CACNA2D3: variants seen among roughly 807,000 people sequenced by gnomAD.
CACNA2D3 encodes the protein voltage-dependent calcium channel subunit alpha-2/delta-3.
In CACNA2D3, 60 loss-of-function variants were observed where a neutral mutation model predicts 160.6. That is an observed-to-expected ratio of 0.37 (90% CI 0.30 to 0.46). The LOEUF is 0.46. CACNA2D3 is among the 20% of genes least tolerant of loss of function. CACNA2D3 has a pLI of 1.00. For synonymous variants in CACNA2D3, 558 were observed against 492.9 expected (o/e 1.13, Z -1.75); for missense variants, 1,205 against 1,365.0 (o/e 0.88, Z 1.85).
intron 27 of CACNA2D3, among the ~76,000 whole-genome samples, chr3:54,947,701 A>C (rs1180212799): frequency 6.6e-6 from 1 of 152,166 alleles, no homozygotes; most frequent in Non-Finnish European, 1.5e-5. Flanking sequence ...GACTCTTATC[A>C]GTCAGGACTC....
intron 9 of CACNA2D3, among the ~76,000 whole-genome samples, chr3:54,599,607 G>T (rs2106770564): frequency 1.3e-5 from 2 of 152,044 alleles, no homozygotes; most frequent in East Asian, 3.9e-4. Flanking sequence ...AATTAATAAG[G>T]TGGGGGGGAG....
intron 5 of CACNA2D3, among the ~76,000 whole-genome samples, chr3:54,534,926 C>A (rs955212914): frequency 5.9e-5 from 9 of 152,108 alleles, no homozygotes; most frequent in Non-Finnish European, 1.3e-4. Flanking sequence ...GCCTCTGTAT[C>A]AAAAAATAAA....
At chr3:54,437,706 A>T (rs549717814) in intron 4 of CACNA2D3, among the ~76,000 whole-genome samples, 76 of 152,348 alleles carry the variant, frequency 5.0e-4, no homozygotes, top group South Asian at 1.7e-3. Context: ...GACCACAAGG[A>T]AATTCACTTT....
intron 35 of CACNA2D3, among the ~76,000 whole-genome samples, chr3:55,065,226 G>C (rs1704607967): frequency 6.6e-6 from 1 of 152,160 alleles, no homozygotes; most frequent in Non-Finnish European, 1.5e-5. Flanking sequence ...ATGCTGTATA[G>C]GGTGTCTTAC....
At chr3:54,128,750 G>T (rs1390474241) in intron 2 of CACNA2D3, among the ~76,000 whole-genome samples, 5 of 152,220 alleles carry the variant, frequency 3.3e-5, no homozygotes, top group African/African-American at 1.2e-4. Context: ...AATGTTAGCA[G>T]ATTGTGTGTT....
intron 35 of CACNA2D3, among the ~76,000 whole-genome samples, chr3:55,072,209 G>A (rs1031978368): frequency 3.9e-5 from 6 of 152,324 alleles, no homozygotes; most frequent in Middle Eastern, 6.8e-3. Context: ...TTAAGGCATT[G>A]AGGAAACATC....
At chr3:54,690,619 T>C (rs1313122640) in intron 11 of CACNA2D3, among the ~76,000 whole-genome samples, 2 of 152,202 alleles carry the variant, frequency 1.3e-5, no homozygotes, top group Non-Finnish European at 2.9e-5. Flanking sequence ...TTTTTGACAG[T>C]TAACTAGACT....
chr3:54,667,947 CAAAA>C (rs35673145), intron 11 of CACNA2D3, among the ~76,000 whole-genome samples: 2 of 143,690 alleles, frequency 1.4e-5, no homozygotes. Context: ...ACCCCCATCT[CAAAA>C]AAAAAAAAAA....
In CACNA2D3 at chr3:54,883,948, A is replaced by G. The variant is rs138845992; in HGVS notation, c.1913-1333A>G. On this transcript the variant is annotated intron_variant, in intron 21 of 37. Transcript: ENST00000474759. The stretch of plus-strand genomic sequence containing the variant: ...AAGTTAAATTTTAATATAATTTACT[A>G]TCTCTTTTCTGCCACTAGAAATTAA... Among the ~76,000 whole-genome samples, 498 of 152,238 alleles carry G rather than the reference A, an allele frequency of 3.3e-3. 3 individuals are homozygous for G. Among genetic ancestry groups the G allele is most frequent in the African/African-American group, 0.012 (484 of 41,530 alleles).
chr3:54,375,128 G>A (rs1256722830), intron 3 of CACNA2D3, among the ~76,000 whole-genome samples: 2 of 151,762 alleles, frequency 1.3e-5, no homozygotes, highest in Non-Finnish European at 1.5e-5. Context: ...TGTACCATAC[G>A]TGAGGAGCCT....
At chr3:54,151,059 G>T (rs555512250) in intron 2 of CACNA2D3, among the ~76,000 whole-genome samples, 4 of 151,838 alleles carry the variant, frequency 2.6e-5, no homozygotes, top group Admixed American at 2.6e-4. Flanking sequence ...GGATGGATGT[G>T]TGGGTGGATA....
intron 27 of CACNA2D3, among the ~76,000 whole-genome samples, chr3:54,908,346 T>G (rs187075483): frequency 6.6e-6 from 1 of 152,380 alleles, no homozygotes; most frequent in Non-Finnish European, 1.5e-5. Flanking sequence ...ATTCAGATCC[T>G]TTGCCCATAT....
intron 35 of CACNA2D3, among the ~76,000 whole-genome samples, chr3:55,059,526 G>A (rs753655792): frequency 3.9e-5 from 6 of 152,178 alleles, no homozygotes; most frequent in Non-Finnish European, 7.3e-5. Context: ...TGCAGGAGCC[G>A]GGGTGGACAC....
Position 54,562,827 on chromosome 3 carries a change from G to T in CACNA2D3, c.572G>T (p.Trp191Leu). The change falls in exon 6 of 38, where the codon TGG (tryptophan) becomes TTG (leucine). Residue 191 changes from tryptophan (W) to leucine (L), a missense_variant. This residue lies in a region of CACNA2D3 where 131 missense variants were observed against 201.5 expected (regional missense o/e 0.65). Transcript: ENST00000474759. ...CCTGCAATTGTCAATGGGGTTTATT[G>T]GTCTGAATCTCTAAACAAAGTTTTT... The part of the protein sequence containing the change: ...KDPAIVNGVY[W>L]SESLNKVFVD... 1 of 1,612,300 alleles carries T rather than the reference G, an allele frequency of 6.2e-7. No individual in the cohort carries two copies. Among genetic ancestry groups the T allele is most frequent in the South Asian group, 1.1e-5 (1 of 90,982 alleles).
At chr3:54,167,741 A>C (rs1700487257) in intron 2 of CACNA2D3, among the ~76,000 whole-genome samples, 2 of 152,174 alleles carry the variant, frequency 1.3e-5, no homozygotes, top group African/African-American at 4.8e-5. Flanking sequence ...GGTCCTTGTC[A>C]CTGGAGAGGC....
In CACNA2D3 at chr3:54,483,371, C is replaced by T. The variant is rs114731740; in HGVS notation, c.382-20121C>T. Among the ~76,000 whole-genome samples the T allele has an allele frequency of 2.8e-3, 420 of 152,186 alleles. 2 individuals carry two copies. Among genetic ancestry groups the T allele is most frequent in the African/African-American group, 9.7e-3 (403 of 41,528 alleles). On this transcript the variant is annotated intron_variant, in intron 4 of 37. Coordinates refer to ENST00000474759, the MANE Select transcript of CACNA2D3 (RefSeq NM_018398.3). The stretch of plus-strand genomic sequence containing the variant: ...AGGTGGAAGTGTTTCTTAGCCTTTA[C>T]GGGGTGCATGGTGGGAACAGACCTT...
Position 54,807,305 on chromosome 3 carries a change from T to A in CACNA2D3, c.1381-9548T>A, listed in dbSNP as rs61605415. On this transcript the variant is annotated intron_variant, in intron 13 of 37. Transcript: ENST00000474759. Reference sequence around the variant, plus strand: ...GGAGAAAATTTTCGCAACCTTCTCATCTAACAAAGGGCTAATATCCAGAAT... The same window carrying A: ...GGAGAAAATTTTCGCAACCTTCTCAACTAACAAAGGGCTAATATCCAGAAT... 3.4e-3 allele frequency among the ~76,000 whole-genome samples: 520 copies of A among 152,204 alleles called. 5 individuals carry two copies. Among genetic ancestry groups the A allele is most frequent in the African/African-American group, 0.012 (502 of 41,528 alleles).
intron 4 of CACNA2D3, among the ~76,000 whole-genome samples, chr3:54,422,635 C>A (rs1267582435): frequency 1.3e-5 from 2 of 152,152 alleles, no homozygotes; most frequent in South Asian, 2.1e-4. Context: ...AAGGCAGCAC[C>A]ATTTTAACAA....
chr3:54,304,583 C>T (rs1703554694), intron 2 of CACNA2D3, among the ~76,000 whole-genome samples: 1 of 152,030 alleles, frequency 6.6e-6, no homozygotes, highest in Non-Finnish European at 1.5e-5. Flanking sequence ...TAACATTTTT[C>T]CCCCTTCTAT....
Sources: allele counts gnomAD v4.1 joint callset (sites outside exome capture counted in the v4.1 genomes callset), GRCh38; gene constraint gnomAD v4.1.1; regional missense constraint gnomAD v4.1.1; transcripts MANE v1.5; gene names NCBI Gene and HGNC (gene_info 2026-07-23, HGNC 2026-07-21).